USP6: variants seen among roughly 807,000 people sequenced by gnomAD.
USP6 encodes ubiquitin specific peptidase 6, also known as ubiquitin carboxyl-terminal hydrolase 6.
A neutral mutation model predicts 175.7 loss-of-function variants in USP6; 128 were observed. The observed-to-expected ratio is 0.73, with a 90% CI of 0.63 to 0.84. USP6 has a LOEUF of 0.84. USP6 is among the 40% of genes least tolerant of loss of function. The probability of loss-of-function intolerance (pLI) is 0.00; values close to 1 mark genes in which losing one functional copy is unlikely to be tolerated. For synonymous variants in USP6, 562 were observed against 630.6 expected (o/e 0.89, Z 1.63); for missense variants, 1,498 against 1,760.3 (o/e 0.85, Z 2.67).
intron 13 of USP6, among the ~76,000 whole-genome samples, 188 bp downstream of exon 13, chr17:5,133,178 A>G (rs1308128349): frequency 6.6e-6 from 1 of 152,142 alleles, no homozygotes; most frequent in East Asian, 1.9e-4. Context: ...CTGGGAGGGA[A>G]TCTGAATCTA....
chr17:5,128,370 A>G (rs890865151), intron 7 of USP6: 2 of 152,212 alleles, frequency 1.3e-5, no homozygotes, highest in Non-Finnish European at 2.9e-5. Flanking sequence ...CATTAGAGAC[A>G]CTAAAAAGAC....
In USP6 at chr17:5,173,627, CTT is replaced by C. The variant is rs1412402253; in HGVS notation, c.*650_*651del. 4.5e-6 allele frequency: 1 copy of C among 220,138 alleles called. No homozygotes were observed. The highest frequency in any genetic ancestry group is 9.1e-6 in the Non-Finnish European group (1 of 109,682). 13.6% of individuals were successfully genotyped at this position (220,138 alleles called of 1,614,324 possible). A position where few individuals can be genotyped will look rare whatever the true frequency, so the allele number is the denominator to read the frequency against. On this transcript the variant is annotated 3_prime_UTR_variant, in exon 38 of 38. Transcript: ENST00000574788. ...GTGGTCAGTCTGAAAGGGAGGCTCT[CTT>C]AAGAGCTATGTGCCTTCCAACCAGA... is the stretch of plus-strand genomic sequence containing the variant.
chr17:5,140,628 G>A (rs2073418113), intron 22 of USP6, among the ~76,000 whole-genome samples: 2 of 152,138 alleles, frequency 1.3e-5, no homozygotes, highest in Non-Finnish European at 2.9e-5. Flanking sequence ...AAATAATAAT[G>A]TGAACTATTA....
At chr17:5,131,491 G>T (rs1448222756) in intron 11 of USP6, among the ~76,000 whole-genome samples, 5 of 148,204 alleles carry the variant, frequency 3.4e-5, no homozygotes, top group Non-Finnish European at 6.0e-5. Flanking sequence ...CCTCAGGGCT[G>T]TTGTCCAGCA....
In USP6 at chr17:5,128,833, A is replaced by G. The variant is rs1427483348; in HGVS notation, c.-337-119A>G. Reference sequence around the variant, plus strand: ...CGTCTGTGTTCTACGGCAGTTACACACACGCAGTGGTATTCACAAGCGGTT... The same window carrying G: ...CGTCTGTGTTCTACGGCAGTTACACGCACGCAGTGGTATTCACAAGCGGTT... On this transcript the variant is annotated intron_variant, in intron 7 of 37. Coordinates refer to ENST00000574788, the MANE Select transcript of USP6 (RefSeq NM_001304284.2). 3 of 152,652 alleles carry G rather than the reference A, an allele frequency of 2.0e-5. No individual in the cohort carries two copies. The East Asian group carries it at 5.8e-4, about 29-fold the overall frequency. 9.5% of individuals were successfully genotyped at this position (152,652 alleles called of 1,614,324 possible).
chr17:5,138,220 T>A lies in USP6; in HGVS notation c.1025T>A (p.Leu342His). The A allele has an allele frequency of 6.2e-7, 1 of 1,614,052 alleles. No homozygotes were observed. Among genetic ancestry groups the A allele is most frequent in the Non-Finnish European group, 8.5e-7 (1 of 1,179,980 alleles). ...AACGATGACACCGTGCTCAAGCATC[T>A]TAGGGCCTCTACGAAGAAACTAACA... ...AMNDDTVLKH[L>H]RASTKKLTRK... Residue 342 changes from leucine (L) to histidine (H), a missense_variant, in exon 21 of 38, where the codon CTT (leucine) becomes CAT (histidine). By Grantham distance (99) the Leu-to-His change is moderately conservative. Coordinates refer to ENST00000574788, the MANE Select transcript of USP6 (RefSeq NM_001304284.2).
intron 35 of USP6, among the ~76,000 whole-genome samples, chr17:5,169,404 A>G (rs768335139): frequency 9.9e-5 from 15 of 152,120 alleles, no homozygotes; most frequent in Non-Finnish European, 2.1e-4. Flanking sequence ...CAGGGGGTCT[A>G]GAGGATCAAA....
chr17:5,149,520 A>G (rs1251164707), intron 30 of USP6, among the ~76,000 whole-genome samples: 1 of 152,214 alleles, frequency 6.6e-6, no homozygotes, highest in Non-Finnish European at 1.5e-5. Context: ...ACACCTGTAA[A>G]TAACCACTCA....
intron 8 of USP6, 131 bp downstream of exon 8, chr17:5,129,264 T>A (rs2072985937): frequency 6.6e-6 from 1 of 152,202 alleles, no homozygotes; most frequent in Non-Finnish European, 1.5e-5. Context: ...CTGCTCTAGA[T>A]CCCAAATCTG....
rs1437582263 is a variant in USP6, at chr17:5,124,888, T to C, written c.-976T>C. The C allele has an allele frequency of 1.3e-5, 2 of 152,130 alleles. No homozygotes were observed. The highest frequency in any genetic ancestry group is 2.9e-5 in the Non-Finnish European group (2 of 68,030). 9.4% of individuals were successfully genotyped at this position (152,130 alleles called of 1,614,324 possible). On this transcript the variant is annotated 5_prime_UTR_variant, in exon 5 of 38. Transcript: ENST00000574788. ...GGGTGGGTGTAGGTATGCAAGGTAA[T>C]TTTGGGTGGTTCAAGGTGAATAATT...
chr17:5,174,640 G>A lies in USP6; in HGVS notation c.*1662G>A, dbSNP rs2074288165. 1.0e-5 allele frequency: 2 copies of A among 196,570 alleles called. No homozygotes were observed. The highest frequency in any genetic ancestry group is 2.1e-5 in the Non-Finnish European group (2 of 94,572). The allele number at this position is 196,570 out of a possible 1,614,324, so 12.2% of individuals were successfully genotyped here. On this transcript the variant is annotated 3_prime_UTR_variant, in exon 38 of 38. Coordinates refer to ENST00000574788, the MANE Select transcript of USP6 (RefSeq NM_001304284.2). Reference sequence around the variant, plus strand: ...CCTGGACATGTCCCATTAAAAAGTGGAAGATTTTAAATAATTTCTTTACAG... The same window carrying A: ...CCTGGACATGTCCCATTAAAAAGTGAAAGATTTTAAATAATTTCTTTACAG...
chr17:5,123,135 G>A, intron 4 of USP6: 1 of 154,002 alleles, frequency 6.5e-6, no homozygotes, highest in Non-Finnish European at 1.5e-5. Context: ...GGCGGCAGCG[G>A]CCGGCGCTGG....
rs769852769 is a variant in USP6, at chr17:5,142,393, C to T, written c.1713-4C>T. ...GGCAACAAATTTTCCTCTCAAACTT[C>T]TAGGACAAATCCCATTGGTATGAAG... On this transcript the variant is annotated splice_region_variant and splice_polypyrimidine_tract_variant and intron_variant, in intron 24 of 37. Transcript: ENST00000574788. 1.4e-5 allele frequency: 23 copies of T among 1,610,882 alleles called. No individual in the cohort carries two copies. Among genetic ancestry groups the T allele is most frequent in the Non-Finnish European group, 1.9e-5 (22 of 1,178,504 alleles).
intron 7 of USP6, chr17:5,128,655 G>A (rs886446389): frequency 6.6e-6 from 1 of 152,556 alleles, no homozygotes; most frequent in Non-Finnish European, 1.5e-5. Flanking sequence ...GTGCACGCAT[G>A]TGCACAAACA....
intron 31 of USP6, 100 bp from the exon 32 acceptor site, chr17:5,161,428 C>G: frequency 1.6e-6 from 2 of 1,242,548 alleles, no homozygotes; most frequent in Admixed American, 1.9e-5. Context: ...ACTGCTGTGG[C>G]AAATGCCCCT....
Position 5,124,987 on chromosome 17 carries a change from A to G in USP6, c.-877A>G, listed in dbSNP as rs1467680396. 6.6e-6 allele frequency: 1 copy of G among 152,272 alleles called. No individual in the cohort carries two copies. Among genetic ancestry groups the G allele is most frequent in the Non-Finnish European group, 1.5e-5 (1 of 68,074 alleles). The allele number at this position is 152,272 out of a possible 1,614,324, so 9.4% of individuals were successfully genotyped here. ...CCAACTGTTAGGAACCAGGCAACAC[A>G]GCAGGAGGTGAGCAGCCAGCCAGTG... On this transcript the variant is annotated 5_prime_UTR_variant, in exon 5 of 38. Coordinates refer to ENST00000574788, the MANE Select transcript of USP6 (RefSeq NM_001304284.2).
In USP6 at chr17:5,171,624, C is replaced by T. The variant is rs1598110463; in HGVS notation, c.3992C>T (p.Thr1331Ile). The T allele has an allele frequency of 6.2e-7, 1 of 1,613,776 alleles. No individual in the cohort carries two copies. The highest frequency in any genetic ancestry group is 2.2e-5 in the East Asian group (1 of 44,856). The change falls in exon 37 of 38, where the codon ACT becomes ATT. Residue 1331 changes from threonine to isoleucine, a missense_variant. Around this residue, in one of 2 missense-constraint regions of USP6, gnomAD observed 1,217 missense variants for 1,500.8 expected, o/e 0.81. Transcript: ENST00000574788. Reference sequence around the variant, plus strand: ...ATTCTGAGTGGGGGCCATTACATCACTTATGCCAAAAACCCAAACTGCAAG... The same window carrying T: ...ATTCTGAGTGGGGGCCATTACATCATTTATGCCAAAAACCCAAACTGCAAG... ...SGILSGGHYI[T>I]YAKNPNCKWY...
chr17:5,142,135 T>C lies in USP6; in HGVS notation c.1706T>C (p.Leu569Pro). ...ATCTCAGGGAGACATCTTTATGAAC[T>C]CAACAGGTAAACTTTCTTGAGTCAC... ...YFISGRHLYE[L>P]NRTNPIGMKG... Residue 569 changes from leucine (L) to proline (P), a missense_variant, in exon 24 of 38, where the codon CTC (leucine) becomes CCC (proline). Coordinates refer to ENST00000574788, the MANE Select transcript of USP6 (RefSeq NM_001304284.2). 1 of 1,611,594 alleles carries C rather than the reference T, an allele frequency of 6.2e-7. No homozygotes were observed. Among genetic ancestry groups the C allele is most frequent in the Non-Finnish European group, 8.5e-7 (1 of 1,179,052 alleles).
chr17:5,138,758 C>A (rs936704997), intron 21 of USP6, among the ~76,000 whole-genome samples: 6 of 152,174 alleles, frequency 3.9e-5, no homozygotes, highest in African/African-American at 1.2e-4. Flanking sequence ...AGGGCACAGG[C>A]GGGACCCCGG....
Sources: gnomAD v4.1 joint callset for allele counts (sites outside exome capture counted in the v4.1 genomes callset) on GRCh38, gnomAD v4.1.1 for gene constraint, gnomAD v4.1.1 regional missense constraint, MANE v1.5 for transcripts, NCBI Gene and HGNC (gene_info 2026-07-23, HGNC 2026-07-21) for gene names.